PRKN: variants seen among roughly 807,000 people sequenced by gnomAD.
The protein encoded by PRKN is parkin RBR E3 ubiquitin protein ligase.
A neutral mutation model predicts 59.5 loss-of-function variants in PRKN; 56 were observed. The ratio of observed to expected loss-of-function variants is 0.94; its 90% confidence interval spans 0.76 to 1.18. The LOEUF is 1.18. PRKN is among the 50% of genes most tolerant of loss of function. The probability of loss-of-function intolerance (pLI) is 0.00; values close to 1 mark genes in which losing one functional copy is unlikely to be tolerated. For missense variants in PRKN, 657 were observed against 596.4 expected (o/e 1.10, Z -1.06); for synonymous variants, 250 against 222.1 (o/e 1.13, Z -1.12).
intron 6 of PRKN, among the ~76,000 whole-genome samples, chr6:161,818,330 ATT>A (rs11406749): frequency 2.9e-4 from 43 of 148,574 alleles, no homozygotes; most frequent in South Asian, 1.1e-3. Flanking sequence ...ACTTGTTTTA[ATT>A]TTTTTTTTTT....
intron 9 of PRKN, among the ~76,000 whole-genome samples, chr6:161,389,223 T>C (rs1436786485): frequency 1.3e-5 from 2 of 152,236 alleles, no homozygotes; most frequent in African/African-American, 2.4e-5. Flanking sequence ...GTCTTCACCA[T>C]GTGAACAGAG....
intron 5 of PRKN, among the ~76,000 whole-genome samples, chr6:161,984,488 C>A (rs1239512703): frequency 6.6e-6 from 1 of 152,092 alleles, no homozygotes; most frequent in Non-Finnish European, 1.5e-5. Context: ...GAACTCCTGA[C>A]CTCAGGTGAT....
Position 161,388,584 on chromosome 6 carries a change from G to A in PRKN, c.1084-1707C>T, listed in dbSNP as rs1238246523. 6.6e-6 allele frequency among the ~76,000 whole-genome samples: 1 copy of A among 152,216 alleles called. No homozygotes were observed. Among genetic ancestry groups the A allele is most frequent in the Non-Finnish European group, 1.5e-5 (1 of 68,042 alleles). ...GACAGTATCCTCTTTCCCTTGAGAG[G>A]TGGGCTTTATGTCTCTTCTGCTGAC... On this transcript the variant is annotated intron_variant, in intron 9 of 11. Transcript: ENST00000366898. The surrounding 1 kb of genome is among the most constrained non-coding windows in gnomAD (Gnocchi z 4.3).
chr6:162,410,596 T>C (rs1296149777), intron 2 of PRKN, among the ~76,000 whole-genome samples: 18 of 152,164 alleles, frequency 1.2e-4, no homozygotes. Flanking sequence ...GAGTGGACAA[T>C]GCATACCAAT....
In PRKN at chr6:161,417,913, G is replaced by C. The variant is rs932224527; in HGVS notation, c.1084-31036C>G. ...CACTCCAAACCTAGACGCAGACTCA[G>C]TGGCCCACCCAGGGGCATGAGTAAT... On this transcript the variant is annotated intron_variant, in intron 9 of 11. Transcript: ENST00000366898. This position sits in a 1 kb window ranked among gnomAD's most constrained non-coding sequence, Gnocchi z 5.4. 6.6e-6 allele frequency among the ~76,000 whole-genome samples: 1 copy of C among 152,192 alleles called. No individual in the cohort carries two copies. Among genetic ancestry groups the C allele is most frequent in the African/African-American group, 2.4e-5 (1 of 41,426 alleles).
At chr6:162,077,239 A>AAT (rs1249164762) in intron 4 of PRKN, among the ~76,000 whole-genome samples, 6 of 152,246 alleles carry the variant, frequency 3.9e-5, no homozygotes, top group African/African-American at 7.2e-5. Context: ...TACAGCATTC[A>AAT]ATATAGTAAC....
At chr6:162,660,339 G>A (rs938780858) in intron 1 of PRKN, among the ~76,000 whole-genome samples, 2 of 152,104 alleles carry the variant, frequency 1.3e-5, no homozygotes, top group Non-Finnish European at 2.9e-5. Flanking sequence ...AAGCATGCAA[G>A]AGGCTCACTT....
At chr6:161,837,241 A>G (rs1379519845) in intron 6 of PRKN, among the ~76,000 whole-genome samples, 2 of 152,088 alleles carry the variant, frequency 1.3e-5, no homozygotes, top group Non-Finnish European at 2.9e-5. Context: ...TTGTCTGAAA[A>G]TCTGGGAATT....
intron 7 of PRKN, among the ~76,000 whole-genome samples, chr6:161,649,069 T>C (rs1403034437): frequency 6.6e-6 from 1 of 152,198 alleles, no homozygotes; most frequent in Non-Finnish European, 1.5e-5. Flanking sequence ...TATTATAACA[T>C]AGTATCCTCA....
intron 4 of PRKN, among the ~76,000 whole-genome samples, chr6:162,153,156 C>T (rs990504603): frequency 5.9e-5 from 9 of 152,234 alleles, no homozygotes; most frequent in African/African-American, 1.7e-4. Flanking sequence ...AGAGCTGTCC[C>T]GTTTACTCAG....
intron 7 of PRKN, among the ~76,000 whole-genome samples, chr6:161,738,879 A>G (rs1430097159): frequency 6.6e-6 from 1 of 152,222 alleles, no homozygotes; most frequent in East Asian, 1.9e-4. Flanking sequence ...ACAGGCATCT[A>G]CACTAGAGCA....
intron 1 of PRKN, among the ~76,000 whole-genome samples, chr6:162,588,431 A>G (rs1781157503): frequency 6.6e-6 from 1 of 152,170 alleles, no homozygotes; most frequent in Non-Finnish European, 1.5e-5. Context: ...AGGATTTCTA[A>G]AAAACAACTG....
intron 7 of PRKN, among the ~76,000 whole-genome samples, chr6:161,760,394 A>C (rs894936046): frequency 1.3e-5 from 2 of 151,246 alleles, no homozygotes; most frequent in Non-Finnish European, 2.9e-5. Context: ...CAACACCTTT[A>C]AAGATGGAAA....
chr6:161,660,258 T>C (rs1784494824), intron 7 of PRKN, among the ~76,000 whole-genome samples: 3 of 152,124 alleles, frequency 2.0e-5, no homozygotes, highest in Admixed American at 1.3e-4. Context: ...AATCACAGAA[T>C]TATAGCAGTG....
At chr6:162,645,875 T>G (rs981898695) in intron 1 of PRKN, among the ~76,000 whole-genome samples, 1 of 144,238 alleles carries the variant, frequency 6.9e-6, no homozygotes, top group Non-Finnish European at 1.5e-5. Flanking sequence ...TCTCTTTTTT[T>G]TTTTTTTTTT....
At chr6:162,141,657 T>G (rs1219762594) in intron 4 of PRKN, among the ~76,000 whole-genome samples, 1 of 152,156 alleles carries the variant, frequency 6.6e-6, no homozygotes, top group African/African-American at 2.4e-5. Context: ...ATAGAGAAAC[T>G]TAAAAAGCAT....
intron 6 of PRKN, among the ~76,000 whole-genome samples, chr6:161,914,340 GAT>G (rs976201280): frequency 3.3e-5 from 5 of 152,176 alleles, no homozygotes; most frequent in Admixed American, 1.3e-4. Context: ...TTATGAAAAA[GAT>G]ATAGGCACAT....
intron 9 of PRKN, among the ~76,000 whole-genome samples, chr6:161,506,767 T>G (rs902060370): frequency 1.3e-5 from 2 of 152,230 alleles, no homozygotes; most frequent in African/African-American, 2.4e-5. Flanking sequence ...TATTATACAT[T>G]TAATTCTTTA....
At chr6:162,477,158 A>G (rs1385394541) in intron 1 of PRKN, among the ~76,000 whole-genome samples, 10 of 152,188 alleles carry the variant, frequency 6.6e-5, no homozygotes, top group Admixed American at 6.5e-4. Flanking sequence ...ACACCAGAGA[A>G]AATTTTGGTG....
Sources: allele counts gnomAD v4.1 joint callset (sites outside exome capture counted in the v4.1 genomes callset), GRCh38; gene constraint gnomAD v4.1.1; non-coding constraint Gnocchi (gnomAD v3.1); transcripts MANE v1.5; gene names NCBI Gene and HGNC (gene_info 2026-07-23, HGNC 2026-07-21).